Variants in ZNRF3 observed in about 807,000 individuals in gnomAD.
The protein encoded by ZNRF3 is E3 ubiquitin-protein ligase ZNRF3.
ZNRF3 carries 23 observed loss-of-function variants against 72.5 expected under a neutral mutation model. The observed-to-expected ratio is 0.32, with a 90% CI of 0.23 to 0.45. ZNRF3 has a LOEUF of 0.45. Among genes scored for constraint, ZNRF3 ranks in the 20% least tolerant of loss-of-function variants. The pLI is 1.00. For synonymous variants in ZNRF3, 610 were observed against 545.3 expected (o/e 1.12, Z -1.65); for missense variants, 1,169 against 1,272.1 (o/e 0.92, Z 1.23).
At chr22:28,963,105 G>A (rs879859643) in intron 1 of ZNRF3, among the ~76,000 whole-genome samples, 2 of 152,198 alleles carry the variant, frequency 1.3e-5, no homozygotes, top group Non-Finnish European at 2.9e-5. Flanking sequence ...TGCAAATGAT[G>A]GTGGTCTCAC....
At chr22:28,999,347 A>G (rs1028282773) in intron 2 of ZNRF3, among the ~76,000 whole-genome samples, 1 of 151,792 alleles carries the variant, frequency 6.6e-6, no homozygotes, top group Non-Finnish European at 1.5e-5. Flanking sequence ...AAAAAAAGCT[A>G]TTGAAAAAAA....
chr22:29,004,865 G>A (rs1032160783), intron 2 of ZNRF3, among the ~76,000 whole-genome samples: 52 of 152,188 alleles, frequency 3.4e-4, no homozygotes, highest in African/African-American at 1.2e-3. Context: ...AATAGGACCC[G>A]AAGGGCAGGG....
intron 1 of ZNRF3, among the ~76,000 whole-genome samples, chr22:28,976,137 A>G (rs1367647693): frequency 6.6e-6 from 1 of 152,194 alleles, no homozygotes. Context: ...TTCCTAAAGG[A>G]ATTGACTTAG....
chr22:29,024,382 G>A (rs943665384), intron 2 of ZNRF3, among the ~76,000 whole-genome samples: 1 of 148,378 alleles, frequency 6.7e-6, no homozygotes, highest in African/African-American at 2.5e-5. Context: ...TGTATTTGTT[G>A]GTGAATATGA....
At chr22:28,952,142 G>A (rs1389517159) in intron 1 of ZNRF3, among the ~76,000 whole-genome samples, 1 of 152,250 alleles carries the variant, frequency 6.6e-6, no homozygotes, top group Non-Finnish European at 1.5e-5. Context: ...GCTGCTGGAT[G>A]GAATGCTCAG....
At chr22:29,017,910 C>T (rs2036464353) in intron 2 of ZNRF3, 1 of 502,890 alleles carries the variant, frequency 2.0e-6, no homozygotes, top group African/African-American at 1.9e-5. Flanking sequence ...TTAGATGTGT[C>T]CTTAAGCATT....
At position 29,048,537 on chromosome 22, in the gene ZNRF3, G is replaced by C; in HGVS notation, c.1015+46G>C. Reference sequence around the variant, plus strand: ...CCATTGCTGAAGAGTCAAGTGCCTAGCTAGAGTGTGACACACACCGCAGGC... The same window carrying C: ...CCATTGCTGAAGAGTCAAGTGCCTACCTAGAGTGTGACACACACCGCAGGC... On this transcript the variant is annotated intron_variant, in intron 7 of 8. Coordinates refer to ENST00000544604, the MANE Select transcript of ZNRF3 (RefSeq NM_001206998.2). This position sits in a 1 kb window ranked among gnomAD's most constrained non-coding sequence, Gnocchi z 4.9. 6.3e-7 allele frequency: 1 copy of C among 1,581,552 alleles called. No individual in the cohort carries two copies. The highest frequency in any genetic ancestry group is 8.7e-7 in the Non-Finnish European group (1 of 1,150,632).
chr22:28,946,919 T>C (rs1444934725), intron 1 of ZNRF3, among the ~76,000 whole-genome samples: 1 of 152,166 alleles, frequency 6.6e-6, no homozygotes, highest in Non-Finnish European at 1.5e-5. Flanking sequence ...CAGCCTTCAC[T>C]GTCAACAATT....
chr22:28,944,961 ATAAT>A (rs1240961919), intron 1 of ZNRF3, among the ~76,000 whole-genome samples: 4 of 145,214 alleles, frequency 2.8e-5, no homozygotes, highest in Admixed American at 7.0e-5. Flanking sequence ...AAATAAATAA[ATAAT>A]AATAATACTC....
chr22:28,971,527 T>C (rs547163500), intron 1 of ZNRF3, among the ~76,000 whole-genome samples: 1 of 152,296 alleles, frequency 6.6e-6, no homozygotes, highest in South Asian at 2.1e-4. Flanking sequence ...CTAATTGTGG[T>C]AGAATAAAGA....
chr22:29,033,996 T>G (rs1436706651), intron 2 of ZNRF3, among the ~76,000 whole-genome samples: 1 of 152,220 alleles, frequency 6.6e-6, no homozygotes, highest in Non-Finnish European at 1.5e-5. Flanking sequence ...GCCCTGGGAC[T>G]CTGGTGCCAT....
chr22:28,974,120 G>C (rs928137225), intron 1 of ZNRF3, among the ~76,000 whole-genome samples: 3 of 152,004 alleles, frequency 2.0e-5, no homozygotes, highest in African/African-American at 7.2e-5. Flanking sequence ...ATCATGCCCG[G>C]CTAATTTTGT....
At chr22:28,934,304 C>A (rs2034778454) in intron 1 of ZNRF3, among the ~76,000 whole-genome samples, 1 of 152,120 alleles carries the variant, frequency 6.6e-6, no homozygotes, top group South Asian at 2.1e-4. Context: ...TCTCAAATAC[C>A]CTTTGGAAAA....
intron 5 of ZNRF3, among the ~76,000 whole-genome samples, chr22:29,045,919 A>C (rs1471618186): frequency 6.6e-6 from 1 of 152,178 alleles, no homozygotes; most frequent in Non-Finnish European, 1.5e-5. Context: ...GTCCCAGTAC[A>C]TCAAGTGGCG....
intron 1 of ZNRF3, among the ~76,000 whole-genome samples, chr22:28,928,643 G>A (rs1390748935): frequency 2.6e-5 from 4 of 151,718 alleles, no homozygotes; most frequent in African/African-American, 7.3e-5. Flanking sequence ...ACAGGCATAC[G>A]CCACCAAACC....
intron 1 of ZNRF3, among the ~76,000 whole-genome samples, chr22:28,932,918 T>A (rs2034734167): frequency 6.6e-6 from 1 of 152,224 alleles, no homozygotes; most frequent in South Asian, 2.1e-4. Context: ...CTGTTCTCTC[T>A]GATCTTTCCC....
intron 1 of ZNRF3, among the ~76,000 whole-genome samples, chr22:28,905,191 C>T (rs1359471623): frequency 6.6e-6 from 1 of 152,102 alleles, no homozygotes; most frequent in African/African-American, 2.4e-5. Flanking sequence ...CCTGCCTCGG[C>T]CTCCCAAAGT....
chr22:28,950,627 A>T (rs1441776763), intron 1 of ZNRF3, among the ~76,000 whole-genome samples: 2 of 152,210 alleles, frequency 1.3e-5, no homozygotes, highest in African/African-American at 2.4e-5. Flanking sequence ...GAGTTTTAAA[A>T]AGACAGTGGC....
intron 1 of ZNRF3, among the ~76,000 whole-genome samples, chr22:28,949,659 CA>C (rs1008837644): frequency 3.9e-5 from 6 of 152,262 alleles, no homozygotes; most frequent in African/African-American, 1.4e-4. Flanking sequence ...ACACATTTCC[CA>C]AAAGTTTAAT....
Sources: gnomAD v4.1 joint callset for allele counts (sites outside exome capture counted in the v4.1 genomes callset) on GRCh38, gnomAD v4.1.1 for gene constraint, Gnocchi (gnomAD v3.1) non-coding constraint, MANE v1.5 for transcripts, NCBI Gene and HGNC (gene_info 2026-07-23, HGNC 2026-07-21) for gene names.